PDPK1: variants seen among roughly 807,000 people sequenced by gnomAD.
PDPK1 encodes the protein 3-phosphoinositide-dependent protein kinase 1.
Under a neutral mutation model 39.8 loss-of-function variants are expected in PDPK1, and 7 were observed. The observed-to-expected ratio is 0.18, with a 90% CI of 0.10 to 0.33. The LOEUF is 0.33. PDPK1 is among the 10% of genes least tolerant of loss of function. PDPK1 has a pLI of 1.00. For missense variants in PDPK1, 182 were observed against 384.7 expected (o/e 0.47, Z 4.41); for synonymous variants, 118 against 159.1 (o/e 0.74, Z 1.95).
intron 1 of PDPK1, among the ~76,000 whole-genome samples, chr16:2,553,271 C>A (rs559979511): frequency 2.3e-4 from 32 of 136,458 alleles, no homozygotes; most frequent in Middle Eastern, 3.5e-3. Context: ...GAACTCCCAG[C>A]CCAAGTGATC....
intron 1 of PDPK1, among the ~76,000 whole-genome samples, chr16:2,546,845 GT>G (rs1055489740): frequency 6.6e-6 from 1 of 151,838 alleles, no homozygotes; most frequent in East Asian, 1.9e-4. Flanking sequence ...CCGCAGGATG[GT>G]TGTGTGACTG....
At position 2,598,557 on chromosome 16, in the gene PDPK1, GT is replaced by G. The variant is rs1467071888; in HGVS notation, c.*791del. 1 of 233,356 alleles carries G rather than the reference GT, an allele frequency of 4.3e-6. No homozygotes were observed. Among genetic ancestry groups the G allele is most frequent in the Non-Finnish European group, 8.5e-6 (1 of 118,200 alleles). The allele number at this position is 233,356 out of a possible 1,614,324, so 14.5% of individuals were successfully genotyped here. A position where few individuals can be genotyped will look rare whatever the true frequency, so the allele number is the denominator to read the frequency against. ...CCGAGCGCATGCTGGGAGCGGTACT[GT>G]CAGAAGTGAGCCCAGTTAGTACCCC... On this transcript the variant is annotated 3_prime_UTR_variant, in exon 14 of 14. Coordinates refer to ENST00000342085, the MANE Select transcript of PDPK1 (RefSeq NM_002613.5).
intron 11 of PDPK1, among the ~76,000 whole-genome samples, chr16:2,590,142 G>T (rs1342372084): frequency 6.6e-6 from 1 of 151,748 alleles, no homozygotes; most frequent in African/African-American, 2.4e-5. Context: ...TTTTTTTGAG[G>T]CGGAGTCTCC....
chr16:2,602,768 C>T lies in PDPK1; in HGVS notation c.*5001C>T, dbSNP rs2067244002. ...GGTCTGTAGCTGTAACTGTGATGTA[C>T]AGACAAAGCAAAAATTAAAAGAACT... On this transcript the variant is annotated 3_prime_UTR_variant, in exon 14 of 14. Transcript: ENST00000342085. 1 of 234,574 alleles carries T rather than the reference C, an allele frequency of 4.3e-6. No homozygotes were observed. Among genetic ancestry groups the T allele is most frequent in the South Asian group, 1.8e-4 (1 of 5,520 alleles). 14.5% of individuals were successfully genotyped at this position (234,574 alleles called of 1,614,324 possible). A position where few individuals can be genotyped will look rare whatever the true frequency, so the allele number is the denominator to read the frequency against.
At position 2,597,568 on chromosome 16, in the gene PDPK1, C is replaced by T; in HGVS notation, c.1555-83C>T. The T allele has an allele frequency of 1.0e-6, 1 of 992,304 alleles. No homozygotes were observed. The highest frequency in any genetic ancestry group is 2.4e-4 in the Middle Eastern group (1 of 4,114). 61.5% of individuals were successfully genotyped at this position (992,304 alleles called of 1,614,324 possible). The stretch of plus-strand genomic sequence containing the variant: ...CACGTGCTTTCAGGACTCGGAATGG[C>T]TGGTCGCAGGCAGCTCACCAGGTTG... On this transcript the variant is annotated intron_variant, in intron 13 of 13. Coordinates refer to ENST00000342085, the MANE Select transcript of PDPK1 (RefSeq NM_002613.5). The surrounding 1 kb of genome is among the most constrained non-coding windows in gnomAD (Gnocchi z 6.3).
chr16:2,544,098 A>G (rs2066291135), intron 1 of PDPK1, among the ~76,000 whole-genome samples: 1 of 152,138 alleles, frequency 6.6e-6, no homozygotes, highest in Admixed American at 6.5e-5. Flanking sequence ...TTCAGTACAG[A>G]TGCAATTTCT....
In PDPK1 at chr16:2,586,751, G is replaced by A. The variant is rs1043839627; in HGVS notation, c.1201G>A (p.Asp401Asn). 1.9e-6 allele frequency: 3 copies of A among 1,614,062 alleles called. No individual in the cohort carries two copies. The highest frequency in any genetic ancestry group is 1.7e-6 in the Non-Finnish European group (2 of 1,180,038). Residue 401 changes from aspartate (D) to asparagine (N), a missense_variant, in exon 11 of 14, where the codon GAC (aspartate) becomes AAC (asparagine). By Grantham distance (23) the Asp-to-Asn change is conservative. Coordinates refer to ENST00000342085, the MANE Select transcript of PDPK1 (RefSeq NM_002613.5). The stretch of plus-strand genomic sequence containing the variant: ...CTCCTCACACTCCCTGTCAGCCTCC[G>A]ACACGGGCCTGCCCCAGAGGTCAGG... ...SSSSHSLSAS[D>N]TGLPQRSGSN...
chr16:2,600,811 G>A lies in PDPK1; in HGVS notation c.*3044G>A, dbSNP rs2067201753. The A allele has an allele frequency of 5.3e-6, 1 of 189,912 alleles. No individual in the cohort carries two copies. Among genetic ancestry groups the A allele is most frequent in the Non-Finnish European group, 9.6e-6 (1 of 103,818 alleles). 11.8% of individuals were successfully genotyped at this position (189,912 alleles called of 1,614,324 possible). A position where few individuals can be genotyped will look rare whatever the true frequency, so the allele number is the denominator to read the frequency against. On this transcript the variant is annotated 3_prime_UTR_variant, in exon 14 of 14. Coordinates refer to ENST00000342085, the MANE Select transcript of PDPK1 (RefSeq NM_002613.5). ...ATCAGCTGTAGGCTCACCGGCCAGA[G>A]AAGACCACTGTGAGCATTTTGCCGT...
At chr16:2,595,924 C>G in intron 12 of PDPK1, 74 bp downstream of exon 12, 1 of 1,087,484 alleles carries the variant, frequency 9.2e-7, no homozygotes, top group Admixed American at 1.7e-5. Flanking sequence ...GGGAGGGCAG[C>G]TTGGTGGCGT....
intron 6 of PDPK1, chr16:2,576,013 ATATG>A: frequency 6.9e-6 from 1 of 144,362 alleles, no homozygotes; most frequent in East Asian, 2.0e-4. Flanking sequence ...GAAACGCCGA[ATATG>A]TAGGTGGAGC....
At position 2,597,674 on chromosome 16, in the gene PDPK1, G is replaced by A. The variant is rs749357936; in HGVS notation, c.1578G>A (p.Met526Ile). The A allele has an allele frequency of 6.2e-7, 1 of 1,613,722 alleles. No individual in the cohort carries two copies. The highest frequency in any genetic ancestry group is 8.5e-7 in the Non-Finnish European group (1 of 1,179,760). The change falls in exon 14 of 14, where the codon ATG becomes ATA. Residue 526 changes from methionine to isoleucine, a missense_variant. Physicochemically the swap from Met to Ile is conservative, Grantham distance 10. Coordinates refer to ENST00000342085, the MANE Select transcript of PDPK1 (RefSeq NM_002613.5). This position sits in a 1 kb window ranked among gnomAD's most constrained non-coding sequence, Gnocchi z 6.3. Reference sequence around the variant, plus strand: ...AGCCTAACAGGACGTATTATCTGATGGACCCCAGCGGGAACGCACACAAGT... The same window carrying A: ...AGCCTAACAGGACGTATTATCTGATAGACCCCAGCGGGAACGCACACAAGT... ...VHTPNRTYYL[M>I]DPSGNAHKWC...
chr16:2,541,038 C>T (rs536413519), intron 1 of PDPK1, among the ~76,000 whole-genome samples: 2 of 152,234 alleles, frequency 1.3e-5, no homozygotes, highest in Admixed American at 6.5e-5. Flanking sequence ...TATTCCTGTA[C>T]GCAACGTTGC....
rs76807695 is a variant in PDPK1 at position 2,595,990 on chromosome 16, G to T, written c.1401+140G>T. The T allele has an allele frequency of 1.1e-4, 83 of 761,148 alleles. 1 individual carries two copies. In the East Asian group the frequency reaches 2.0e-3, roughly 18 times the overall value. 47.1% of individuals were successfully genotyped at this position (761,148 alleles called of 1,614,324 possible). On this transcript the variant is annotated intron_variant, in intron 12 of 13. Coordinates refer to ENST00000342085, the MANE Select transcript of PDPK1 (RefSeq NM_002613.5). The stretch of plus-strand genomic sequence containing the variant: ...ACATCATCTCTAGATTTCATAGCTC[G>T]GGAAGGCTTAAGTCCCTTGAGAGAA...
Position 2,599,867 on chromosome 16 carries a change from C to A in PDPK1, c.*2100C>A, listed in dbSNP as rs1233860394. On this transcript the variant is annotated 3_prime_UTR_variant, in exon 14 of 14. Coordinates refer to ENST00000342085, the MANE Select transcript of PDPK1 (RefSeq NM_002613.5). ...CTCGGCTGGGCTGCTTGGGGAGACT[C>A]TTCCGTGCGTTCTTCCTCTGGATAG... 1.3e-5 allele frequency: 3 copies of A among 233,714 alleles called. No homozygotes were observed. The highest frequency in any genetic ancestry group is 5.6e-5 in the Admixed American group (1 of 17,790). 14.5% of individuals were successfully genotyped at this position (233,714 alleles called of 1,614,324 possible). A position where few individuals can be genotyped will look rare whatever the true frequency, so the allele number is the denominator to read the frequency against.
At chr16:2,595,983 A>C in intron 12 of PDPK1, 133 bp downstream of exon 12, 1 of 768,072 alleles carries the variant, frequency 1.3e-6, no homozygotes, top group Non-Finnish European at 2.3e-6. Flanking sequence ...TCTAGATTTC[A>C]TAGCTCGGGA....
At chr16:2,590,938 T>C (rs2066977128) in intron 11 of PDPK1, among the ~76,000 whole-genome samples, 1 of 151,542 alleles carries the variant, frequency 6.6e-6, no homozygotes, top group Non-Finnish European at 1.5e-5. Flanking sequence ...CGTGAGCTAC[T>C]GCACCAGGCC....
intron 1 of PDPK1, among the ~76,000 whole-genome samples, chr16:2,547,301 C>G (rs2066369122): frequency 7.0e-6 from 1 of 142,198 alleles, no homozygotes; most frequent in South Asian, 2.2e-4. Flanking sequence ...GGGCCTGACT[C>G]TGGACGCCAG....
chr16:2,592,408 T>C (rs2067008232), intron 11 of PDPK1: 2 of 275,314 alleles, frequency 7.3e-6, no homozygotes, highest in South Asian at 6.7e-5. Flanking sequence ...TTGCCCAGCC[T>C]CCCAGGGAGG....
At chr16:2,544,419 C>T (rs1240698682) in intron 1 of PDPK1, among the ~76,000 whole-genome samples, 1 of 152,210 alleles carries the variant, frequency 6.6e-6, no homozygotes, top group African/African-American at 2.4e-5. Flanking sequence ...CTGGAACTTA[C>T]TGGACTGAGG....
Sources: allele counts gnomAD v4.1 joint callset (sites outside exome capture counted in the v4.1 genomes callset), GRCh38; gene constraint gnomAD v4.1.1; non-coding constraint Gnocchi (gnomAD v3.1); transcripts MANE v1.5; gene names NCBI Gene and HGNC (gene_info 2026-07-23, HGNC 2026-07-21).